Variants in MSI2 observed in about 807,000 individuals in gnomAD.
MSI2 encodes the protein musashi RNA binding protein 2.
Under a neutral mutation model 45.6 loss-of-function variants are expected in MSI2, and 17 were observed. The observed-to-expected ratio is 0.37, with a 90% CI of 0.26 to 0.56. The LOEUF (loss-of-function observed/expected upper bound fraction) is 0.56, where lower values mean the gene tolerates loss of function less well. Among genes scored for constraint, MSI2 ranks in the 20% least tolerant of loss-of-function variants. The pLI, the probability that MSI2 is intolerant of heterozygous loss-of-function variation, is 0.77. For synonymous variants in MSI2, 156 were observed against 158.2 expected (o/e 0.99, Z 0.11); for missense variants, 293 against 444.2 (o/e 0.66, Z 3.06).
intron 5 of MSI2, among the ~76,000 whole-genome samples, chr17:57,298,475 G>A (rs1449092455): frequency 6.6e-6 from 1 of 152,122 alleles, no homozygotes; most frequent in Non-Finnish European, 1.5e-5. Context: ...CGAGGCCAAG[G>A]TGGGAGTTTG....
intron 6 of MSI2, among the ~76,000 whole-genome samples, chr17:57,509,790 T>C (rs2086312543): frequency 1.3e-5 from 2 of 151,966 alleles, no homozygotes; most frequent in Admixed American, 1.3e-4. Flanking sequence ...AGTCCCCCCA[T>C]GATTAATTCA....
At chr17:57,543,032 C>A (rs962443476) in intron 7 of MSI2, among the ~76,000 whole-genome samples, 1 of 152,320 alleles carries the variant, frequency 6.6e-6, no homozygotes, top group African/African-American at 2.4e-5. Flanking sequence ...TGGGCACTCA[C>A]CTTGGTCTCT....
At chr17:57,642,870 T>C (rs1910363477) in intron 10 of MSI2, among the ~76,000 whole-genome samples, 1 of 152,130 alleles carries the variant, frequency 6.6e-6, no homozygotes, top group East Asian at 1.9e-4. Flanking sequence ...CCCAGCCCTC[T>C]TTGGGGAGGG....
chr17:57,484,574 T>A (rs976578515), intron 6 of MSI2, among the ~76,000 whole-genome samples: 3 of 152,218 alleles, frequency 2.0e-5, no homozygotes, highest in Non-Finnish European at 4.4e-5. Flanking sequence ...TAGAGAAGTG[T>A]GCCTTAAAAA....
At chr17:57,656,460 G>A (rs923988478) in intron 11 of MSI2, among the ~76,000 whole-genome samples, 5 of 152,172 alleles carry the variant, frequency 3.3e-5, no homozygotes, top group East Asian at 1.9e-4. Flanking sequence ...CCTTTGGCAG[G>A]TCACAGCCAG....
At position 57,287,739 on chromosome 17, in the gene MSI2, T is replaced by C. The variant is rs748073362; in HGVS notation, c.312+25547T>C. The stretch of plus-strand genomic sequence containing the variant: ...CGGCCTGGCAGTCAAATGGATTCCA[T>C]GGCAGCCCCTGCCTAGAGCGGAGCA... On this transcript the variant is annotated intron_variant, in intron 5 of 13. Transcript: ENST00000284073. Among the ~76,000 whole-genome samples, 9 of 152,194 alleles carry C rather than the reference T, an allele frequency of 5.9e-5. No homozygotes were observed. The South Asian group carries it at 6.2e-4, about 11-fold the overall frequency.
At position 57,627,340 on chromosome 17, in the gene MSI2, A is replaced by T; in HGVS notation, c.727+37A>T. The T allele has an allele frequency of 6.3e-7, 1 of 1,592,814 alleles. No homozygotes were observed. ...GGTCTCCCAGGGCTTTGGAAGCACA[A>T]GAGGTGGGCTGCATTTGCGGGGAGG... On this transcript the variant is annotated intron_variant, in intron 10 of 13. Transcript: ENST00000284073. This position sits in a 1 kb window ranked among gnomAD's most constrained non-coding sequence, Gnocchi z 4.6.
chr17:57,262,001 C>A, intron 4 of MSI2, 150 bp from the exon 5 acceptor site: 1 of 749,812 alleles, frequency 1.3e-6, no homozygotes, highest in Non-Finnish European at 2.2e-6. Context: ...AAGTTGAGAT[C>A]AAAGTTTAAG....
downstream of MSI2, among the ~76,000 whole-genome samples, chr17:57,688,670 A>G (rs1205693565): frequency 1.3e-5 from 2 of 152,192 alleles, no homozygotes; most frequent in Admixed American, 6.5e-5. Context: ...TTAAAACTAC[A>G]TATGTATATA....
chr17:57,308,918 G>A (rs994255925), intron 5 of MSI2, among the ~76,000 whole-genome samples: 3 of 152,082 alleles, frequency 2.0e-5, no homozygotes, highest in Non-Finnish European at 4.4e-5. Flanking sequence ...TCTTTTGTCC[G>A]TGGTACCATG....
chr17:57,604,795 G>C (rs541972239), intron 8 of MSI2, among the ~76,000 whole-genome samples: 4 of 152,288 alleles, frequency 2.6e-5, no homozygotes, highest in African/African-American at 9.6e-5. Flanking sequence ...GCTGTGACCA[G>C]CCCATCCATG....
At chr17:57,632,037 A>T in intron 10 of MSI2, 1 of 1,350,380 alleles carries the variant, frequency 7.4e-7, no homozygotes, top group South Asian at 2.0e-5. Context: ...ATTATTCTCC[A>T]GTCCCCTCCC....
At chr17:57,693,270 C>G in the MSI2 span, among the ~76,000 whole-genome samples, 1 of 152,058 alleles carries the variant, frequency 6.6e-6, no homozygotes, top group African/African-American at 2.4e-5. Context: ...GCAAACTTCA[C>G]CTCCTGGGTT....
chr17:57,632,830 A>G, intron 10 of MSI2: 1 of 1,065,132 alleles, frequency 9.4e-7, no homozygotes, highest in Middle Eastern at 4.2e-4. Flanking sequence ...GTGAATCCAT[A>G]CATTTGAATG....
At chr17:57,545,615 G>A (rs1370697942) in intron 7 of MSI2, among the ~76,000 whole-genome samples, 1 of 152,216 alleles carries the variant, frequency 6.6e-6, no homozygotes, top group Non-Finnish European at 1.5e-5. Flanking sequence ...GCTGTCTGAA[G>A]TAGCAGGCCG....
intron 6 of MSI2, among the ~76,000 whole-genome samples, chr17:57,434,408 C>T (rs1172273967): frequency 6.6e-6 from 1 of 152,184 alleles, no homozygotes; most frequent in Non-Finnish European, 1.5e-5. Flanking sequence ...CCCATTTTAA[C>T]AATTTTGAAA....
At chr17:57,617,822 G>C (rs1048971965) in intron 9 of MSI2, among the ~76,000 whole-genome samples, 1 of 152,088 alleles carries the variant, frequency 6.6e-6, no homozygotes, top group Non-Finnish European at 1.5e-5. Context: ...TGTAATCCCA[G>C]CAATTTGGGA....
At chr17:57,424,090 C>T (rs2084446103) in intron 6 of MSI2, among the ~76,000 whole-genome samples, 1 of 152,204 alleles carries the variant, frequency 6.6e-6, no homozygotes, top group Non-Finnish European at 1.5e-5. Flanking sequence ...GCTGGTTCTT[C>T]TCAGAGATCC....
chr17:57,283,480 T>G (rs1909603061), intron 5 of MSI2, among the ~76,000 whole-genome samples: 1 of 152,156 alleles, frequency 6.6e-6, no homozygotes, highest in Non-Finnish European at 1.5e-5. Flanking sequence ...CCATTATAGA[T>G]GTGTTTGAGA....
Sources: gnomAD v4.1 joint callset for allele counts (sites outside exome capture counted in the v4.1 genomes callset) on GRCh38, gnomAD v4.1.1 for gene constraint, Gnocchi (gnomAD v3.1) non-coding constraint, MANE v1.5 for transcripts, NCBI Gene and HGNC (gene_info 2026-07-23, HGNC 2026-07-21) for gene names.